The following PHF3 variants were observed in gnomAD, a reference collection of about 807,000 sequenced individuals.
PHF3 encodes PHD finger protein 3.
A neutral mutation model predicts 178.4 loss-of-function variants in PHF3; 41 were observed. The observed-to-expected ratio is 0.23, with a 90% CI of 0.18 to 0.30. PHF3 has a LOEUF of 0.30. Ranked by LOEUF, PHF3 falls within the 10% of genes least tolerant of loss-of-function variation. The pLI is 1.00. For missense variants in PHF3, 2,346 were observed against 2,398.1 expected (o/e 0.98, Z 0.45); for synonymous variants, 842 against 800.5 (o/e 1.05, Z -0.88).
rs2149621010 is a variant in PHF3, at chr6:63,718,566, C to T, written c.*4858C>T. On this transcript the variant is annotated 3_prime_UTR_variant, in exon 16 of 16. Coordinates refer to ENST00000262043, the MANE Select transcript of PHF3 (RefSeq NM_001370348.2). ...CATATTTCCAATTTCTGACTTAGGGCTGGATTCTCTTACCTGCCCTGCATT... is the reference window on the plus strand; with the variant it reads ...CATATTTCCAATTTCTGACTTAGGGTTGGATTCTCTTACCTGCCCTGCATT... Among the ~76,000 whole-genome samples, 2 of 152,036 alleles carry T rather than the reference C, an allele frequency of 1.3e-5. No individual in the cohort carries two copies. Among genetic ancestry groups the T allele is most frequent in the East Asian group, 3.9e-4 (2 of 5,176 alleles).
In PHF3 at chr6:63,712,959, A is replaced by G. The variant is rs753173886; in HGVS notation, c.5371A>G (p.Thr1791Ala). Residue 1791 changes from threonine to alanine, a missense_variant, in exon 16 of 16, where the codon ACA becomes GCA. Coordinates refer to ENST00000262043, the MANE Select transcript of PHF3 (RefSeq NM_001370348.2). ...TACTTCCAGAAGCACCAGCCCCAGA[A>G]CAAGTACAAACTTTTCACCCATGAG... ...TFTSRSTSPRTSTNFSPMRPQ... is the reference protein window; with the variant it reads ...TFTSRSTSPRASTNFSPMRPQ... 1.9e-6 allele frequency: 3 copies of G among 1,614,016 alleles called. No individual in the cohort carries two copies. Among genetic ancestry groups the G allele is most frequent in the Non-Finnish European group, 2.5e-6 (3 of 1,179,958 alleles).
intron 5 of PHF3, among the ~76,000 whole-genome samples, chr6:63,694,109 C>T (rs898127045): frequency 8.5e-5 from 13 of 152,162 alleles, no homozygotes; most frequent in African/African-American, 2.9e-4. Context: ...CCAAGGATCT[C>T]AGAATTCCAG....
chr6:63,709,912 C>T (rs1162374315), intron 14 of PHF3, among the ~76,000 whole-genome samples: 1 of 152,090 alleles, frequency 6.6e-6, no homozygotes, highest in East Asian at 1.9e-4. Context: ...TTTCTCTCTA[C>T]ATTTTCTTTT....
At chr6:63,671,769 C>T (rs764360504) in intron 2 of PHF3, among the ~76,000 whole-genome samples, 1 of 152,100 alleles carries the variant, frequency 6.6e-6, no homozygotes, top group Non-Finnish European at 1.5e-5. Context: ...GTTTTTGAGA[C>T]GGAGTCGTCC....
chr6:63,654,830 G>T (rs115441736), intron 2 of PHF3, among the ~76,000 whole-genome samples: 1,799 of 150,226 alleles, frequency 0.012, 29 homozygotes, highest in African/African-American at 0.042. Flanking sequence ...GTTATGACCC[G>T]TTGACTGAGG....
chr6:63,678,177 C>T lies in PHF3; in HGVS notation c.245-1823C>T, dbSNP rs545248486. Reference sequence around the variant, plus strand: ...GGTGGAGGTTGCAGTGAGCCAAGATCGCACCACTGCACTCCAGCTTGGGCA... The same window carrying T: ...GGTGGAGGTTGCAGTGAGCCAAGATTGCACCACTGCACTCCAGCTTGGGCA... On this transcript the variant is annotated intron_variant, in intron 2 of 15. Transcript: ENST00000262043. 6.6e-4 allele frequency among the ~76,000 whole-genome samples: 100 copies of T among 150,822 alleles called. 1 individual carries two copies. Among genetic ancestry groups the T allele is most frequent in the Non-Finnish European group, 8.1e-4 (55 of 67,822 alleles).
intron 13 of PHF3, among the ~76,000 whole-genome samples, chr6:63,708,181 C>T (rs956564095): frequency 2.0e-5 from 3 of 151,940 alleles, no homozygotes; most frequent in Non-Finnish European, 2.9e-5. Context: ...AGTGTGTTTT[C>T]GATTAATAAA....
chr6:63,690,682 GTCTT>G (rs1328932511), intron 4 of PHF3, among the ~76,000 whole-genome samples: 2 of 152,090 alleles, frequency 1.3e-5, no homozygotes, highest in African/African-American at 4.8e-5. Flanking sequence ...ATCCTTCTAA[GTCTT>G]TCAGCTGTAT....
chr6:63,706,421 C>G (rs990380741), intron 12 of PHF3, among the ~76,000 whole-genome samples, 197 bp downstream of exon 12: 1 of 152,074 alleles, frequency 6.6e-6, no homozygotes, highest in African/African-American at 2.4e-5. Context: ...GAGATTGGAG[C>G]GTGTGGGGAA....
intron 5 of PHF3, among the ~76,000 whole-genome samples, chr6:63,693,604 C>G (rs1767102774): frequency 6.6e-6 from 1 of 152,162 alleles, no homozygotes. Context: ...GAGTGAAACT[C>G]CGTCTCATAA....
intron 1 of PHF3, among the ~76,000 whole-genome samples, chr6:63,641,847 C>T (rs745924594): frequency 6.6e-6 from 1 of 151,914 alleles, no homozygotes; most frequent in African/African-American, 2.4e-5. Flanking sequence ...AGGCTGGTCT[C>T]GAACTCCTAA....
chr6:63,643,090 T>G (rs1764645332), intron 1 of PHF3, among the ~76,000 whole-genome samples: 1 of 152,132 alleles, frequency 6.6e-6, no homozygotes, highest in Admixed American at 6.5e-5. Flanking sequence ...TAATGGTAAA[T>G]TACAGACTTT....
intron 4 of PHF3, among the ~76,000 whole-genome samples, chr6:63,688,477 G>A (rs906767447): frequency 1.6e-4 from 24 of 148,460 alleles, no homozygotes; most frequent in African/African-American, 4.2e-4. Context: ...CTGGGATTAC[G>A]GGCAAATGCC....
chr6:63,673,522 G>C (rs1766016633), intron 2 of PHF3, among the ~76,000 whole-genome samples: 1 of 152,048 alleles, frequency 6.6e-6, no homozygotes, highest in Non-Finnish European at 1.5e-5. Context: ...GCAAGACCTA[G>C]CTCACTTCTG....
At chr6:63,644,848 T>G in intron 1 of PHF3, among the ~76,000 whole-genome samples, 1 of 152,084 alleles carries the variant, frequency 6.6e-6, no homozygotes, top group East Asian at 1.9e-4. Flanking sequence ...AGTTCATCCT[T>G]TCCCTATTCG....
chr6:63,638,449 T>C (rs1764440146), intron 1 of PHF3, among the ~76,000 whole-genome samples: 2 of 152,150 alleles, frequency 1.3e-5, no homozygotes. Flanking sequence ...CATTTTGCCT[T>C]CTTAAGATCC....
At chr6:63,671,118 T>A (rs970471551) in intron 2 of PHF3, among the ~76,000 whole-genome samples, 3 of 152,098 alleles carry the variant, frequency 2.0e-5, no homozygotes, top group Non-Finnish European at 4.4e-5. Context: ...TTTTTTTTTT[T>A]AAACCTATTC....
chr6:63,660,427 A>AT (rs981088440), intron 2 of PHF3, among the ~76,000 whole-genome samples: 2 of 151,838 alleles, frequency 1.3e-5, no homozygotes, highest in African/African-American at 4.8e-5. Context: ...AACTTGGATA[A>AT]TTTTTTTGTA....
rs988297029 is a variant in PHF3, at chr6:63,713,951, A to G, written c.*243A>G. On this transcript the variant is annotated 3_prime_UTR_variant, in exon 16 of 16. Coordinates refer to ENST00000262043, the MANE Select transcript of PHF3 (RefSeq NM_001370348.2). ...ATTTTTAAAAGTTTTACATTGCTGT[A>G]TATTCAAAGATTTGTTTTATTAATA... The G allele has an allele frequency of 1.1e-5, 4 of 348,880 alleles. No individual in the cohort carries two copies. Among genetic ancestry groups the G allele is most frequent in the African/African-American group, 4.2e-5 (2 of 47,340 alleles). 21.6% of individuals were successfully genotyped at this position (348,880 alleles called of 1,614,324 possible). A position where few individuals can be genotyped will look rare whatever the true frequency, so the allele number is the denominator to read the frequency against.
Sources: gnomAD v4.1 joint callset for allele counts (sites outside exome capture counted in the v4.1 genomes callset) on GRCh38, gnomAD v4.1.1 for gene constraint, MANE v1.5 for transcripts, NCBI Gene and HGNC (gene_info 2026-07-23, HGNC 2026-07-21) for gene names.